Variants in BAIAP2 observed in about 807,000 individuals in gnomAD.
BAIAP2 encodes the protein BAR/IMD domain-containing adapter protein 2.
Under a neutral mutation model 63.0 loss-of-function variants are expected in BAIAP2, and 18 were observed. That is an observed-to-expected ratio of 0.29 (90% CI 0.20 to 0.42). The LOEUF (loss-of-function observed/expected upper bound fraction) is 0.42, where lower values mean the gene tolerates loss of function less well. Among genes scored for constraint, BAIAP2 ranks in the 10% least tolerant of loss-of-function variants. The pLI is 1.00. For missense variants in BAIAP2, 610 were observed against 734.3 expected (o/e 0.83, Z 1.96); for synonymous variants, 386 against 307.6 (o/e 1.25, Z -2.67).
chr17:81,069,166 A>G (rs528563221), intron 3 of BAIAP2, among the ~76,000 whole-genome samples: 1 of 152,316 alleles, frequency 6.6e-6, no homozygotes, highest in East Asian at 1.9e-4. Flanking sequence ...TGGTGGGTCC[A>G]CGGGCATTCG....
chr17:81,039,144 C>T lies in BAIAP2; in HGVS notation c.54+3836C>T, dbSNP rs116170067. ...CATGTGCATGTCTGTGTTACCCGCCCTCGCCACCGCCAGCCTTTAGCAGGG... is the reference window on the plus strand; with the variant it reads ...CATGTGCATGTCTGTGTTACCCGCCTTCGCCACCGCCAGCCTTTAGCAGGG... On this transcript the variant is annotated intron_variant, in intron 1 of 13. Transcript: ENST00000428708. 3.0e-3 allele frequency among the ~76,000 whole-genome samples: 463 copies of T among 152,356 alleles called. 5 individuals are homozygous for T. Among genetic ancestry groups the T allele is most frequent in the African/African-American group, 0.011 (438 of 41,580 alleles).
intron 3 of BAIAP2, among the ~76,000 whole-genome samples, chr17:81,065,587 C>A (rs2051319406): frequency 6.6e-6 from 1 of 152,214 alleles, no homozygotes; most frequent in South Asian, 2.1e-4. Flanking sequence ...TGTCCTGTGA[C>A]TGCACTCCTG....
chr17:81,112,732 C>G (rs963152141), intron 13 of BAIAP2, among the ~76,000 whole-genome samples: 2 of 152,250 alleles, frequency 1.3e-5, no homozygotes, highest in African/African-American at 4.8e-5. Flanking sequence ...CGGAATCCTT[C>G]TGCTTCACAT....
chr17:81,087,458 C>G (rs1015458514), intron 6 of BAIAP2: 19 of 152,310 alleles, frequency 1.2e-4, no homozygotes, highest in African/African-American at 4.6e-4. Flanking sequence ...TGGCCTCGCC[C>G]TGGGACTGGG....
At chr17:81,057,129 TCCGGGGCC>T (rs1325048925) in intron 2 of BAIAP2, among the ~76,000 whole-genome samples, 1 of 152,208 alleles carries the variant, frequency 6.6e-6, no homozygotes, top group Non-Finnish European at 1.5e-5. Flanking sequence ...TACACTGCTC[TCCGGGGCC>T]CTGCCCCGCC....
At chr17:81,050,298 C>T (rs563153239) in intron 1 of BAIAP2, among the ~76,000 whole-genome samples, 44 of 152,340 alleles carry the variant, frequency 2.9e-4, no homozygotes, top group South Asian at 6.2e-4. Flanking sequence ...GTGTCCCGGC[C>T]GCCGCCCCTC....
intron 6 of BAIAP2, among the ~76,000 whole-genome samples, chr17:81,095,721 C>G (rs11869900): frequency 6.6e-6 from 1 of 152,116 alleles, no homozygotes; most frequent in African/African-American, 2.4e-5. Context: ...TGGAGGGGCC[C>G]CGCCAGAGCA....
chr17:81,059,801 A>G (rs1238811664), intron 3 of BAIAP2, among the ~76,000 whole-genome samples: 1 of 152,056 alleles, frequency 6.6e-6, no homozygotes, highest in Non-Finnish European at 1.5e-5. Context: ...GAGATGAGGT[A>G]GAGGACCAGG....
At chr17:81,067,136 C>G (rs553884257) in intron 3 of BAIAP2, among the ~76,000 whole-genome samples, 1 of 152,234 alleles carries the variant, frequency 6.6e-6, no homozygotes, top group South Asian at 2.1e-4. Flanking sequence ...AGAGCCCAAC[C>G]GCTTGCTCCG....
At chr17:81,074,846 G>A (rs1180963647) in intron 3 of BAIAP2, among the ~76,000 whole-genome samples, 2 of 152,280 alleles carry the variant, frequency 1.3e-5, no homozygotes, top group African/African-American at 4.8e-5. Flanking sequence ...CACAGAAAGA[G>A]TGGTGAAGCG....
intron 1 of BAIAP2, among the ~76,000 whole-genome samples, chr17:81,039,384 G>T (rs547282771): frequency 6.6e-6 from 1 of 152,224 alleles, no homozygotes; most frequent in African/African-American, 2.4e-5. Flanking sequence ...GTGGCGTCCA[G>T]CGTTCGCTTG....
At chr17:81,096,963 A>G (rs778542821) in intron 6 of BAIAP2, among the ~76,000 whole-genome samples, 6 of 150,412 alleles carry the variant, frequency 4.0e-5, no homozygotes, top group African/African-American at 4.8e-5. Flanking sequence ...AGAGGAGGAG[A>G]AGAAGGAGAA....
chr17:81,104,762 A>G (rs2058919211), intron 10 of BAIAP2, 47 bp downstream of exon 10: 1 of 1,517,208 alleles, frequency 6.6e-7, no homozygotes, highest in Non-Finnish European at 8.9e-7. Flanking sequence ...TGCCTTCAGC[A>G]AGTGTGTGGG....
At chr17:81,071,893 G>A (rs997170209) in intron 3 of BAIAP2, among the ~76,000 whole-genome samples, 2 of 152,212 alleles carry the variant, frequency 1.3e-5, no homozygotes, top group African/African-American at 4.8e-5. Context: ...GCACGGAGGC[G>A]CCGGAGCATG....
chr17:81,054,335 C>G (rs2049123115), intron 2 of BAIAP2, among the ~76,000 whole-genome samples: 3 of 151,666 alleles, frequency 2.0e-5, no homozygotes. Flanking sequence ...GTGCCCGGGC[C>G]CCGTGGGGTG....
rs1004811331 is a variant in BAIAP2, at chr17:81,043,887, G to A, written c.54+8579G>A. Among the ~76,000 whole-genome samples the A allele has an allele frequency of 7.9e-5, 12 of 152,376 alleles. No individual in the cohort carries two copies. The South Asian group carries it at 8.3e-4, about 11-fold the overall frequency. ...GAGTTCAGGAAGGCGTTCTCGCCGC[G>A]GGGTCTCTGTTTTCTCATTAATTCA... is the stretch of plus-strand genomic sequence containing the variant. On this transcript the variant is annotated intron_variant, in intron 1 of 13. Coordinates refer to ENST00000428708, the MANE Select transcript of BAIAP2 (RefSeq NM_001144888.2).
rs955581301 is a variant in BAIAP2 at position 81,109,729 on chromosome 17, G to A, written c.1535+1220G>A. 1.6e-5 allele frequency: 16 copies of A among 985,262 alleles called. No individual in the cohort carries two copies. In the African/African-American group the frequency reaches 1.7e-4, roughly 11 times the overall value. 61.0% of individuals were successfully genotyped at this position (985,262 alleles called of 1,614,324 possible). A position where few individuals can be genotyped will look rare whatever the true frequency, so the allele number is the denominator to read the frequency against. ...CGGCACAGTGGCCTCACCTCCCGTC[G>A]GGCACTGGCGGGAGCAAGGTCGGGG... On this transcript the variant is annotated intron_variant, in intron 13 of 13. Transcript: ENST00000428708.
intron 3 of BAIAP2, among the ~76,000 whole-genome samples, chr17:81,068,030 C>T (rs2051832532): frequency 6.6e-6 from 1 of 152,248 alleles, no homozygotes; most frequent in East Asian, 1.9e-4. Flanking sequence ...CAGGTGCCGG[C>T]TCAGGAGCCT....
At chr17:81,108,429 A>G in intron 12 of BAIAP2, 46 bp from the exon 13 acceptor site, 2 of 1,606,606 alleles carry the variant, frequency 1.2e-6, no homozygotes, top group Non-Finnish European at 1.7e-6. Context: ...GGGGGTGACC[A>G]CAGGCCCCGT....
Sources: gnomAD v4.1 joint callset for allele counts (sites outside exome capture counted in the v4.1 genomes callset) on GRCh38, gnomAD v4.1.1 for gene constraint, MANE v1.5 for transcripts, NCBI Gene and HGNC (gene_info 2026-07-23, HGNC 2026-07-21) for gene names.